Variants in LYPD6B observed in about 807,000 individuals in gnomAD.
LYPD6B encodes the protein LY6/PLAUR domain containing 6B.
A neutral mutation model predicts 22.8 loss-of-function variants in LYPD6B; 17 were observed. The ratio of observed to expected loss-of-function variants is 0.75; its 90% CI spans 0.51 to 1.12. The LOEUF (loss-of-function observed/expected upper bound fraction) is 1.12, where lower values mean the gene tolerates loss of function less well. LYPD6B is among the 50% of genes most tolerant of loss of function. LYPD6B has a pLI of 0.00. For missense variants in LYPD6B, 221 were observed against 258.3 expected, an observed-to-expected ratio of 0.86 and a Z score of 0.99; for synonymous variants, 106 against 91.6, an observed-to-expected ratio of 1.16 and a Z score of -0.90.
chr2:149,207,833 A>G (rs1693597291), intron 4 of LYPD6B, among the ~76,000 whole-genome samples: 1 of 152,114 alleles, frequency 6.6e-6, no homozygotes, highest in Non-Finnish European at 1.5e-5. Context: ...ATACCTCTGC[A>G]AGTCATGGGG....
intron 2 of LYPD6B, among the ~76,000 whole-genome samples, chr2:149,139,459 A>G (rs1380583577): frequency 2.6e-5 from 4 of 152,192 alleles, no homozygotes; most frequent in African/African-American, 9.7e-5. Flanking sequence ...TCTTGTAATA[A>G]TGTCACCAGA....
intron 3 of LYPD6B, among the ~76,000 whole-genome samples, chr2:149,175,023 A>ATCTCTCTC (rs142556922): frequency 4.8e-4 from 61 of 125,824 alleles, no homozygotes; most frequent in African/African-American, 1.3e-3. Context: ...AATCTCTTTA[A>ATCTCTCTC]TCTCTCTCTC....
At chr2:149,119,533 G>A (rs894089113) in intron 1 of LYPD6B, among the ~76,000 whole-genome samples, 2 of 152,170 alleles carry the variant, frequency 1.3e-5, no homozygotes, top group Non-Finnish European at 2.9e-5. Context: ...ACACATTAAC[G>A]ATGAACTCAG....
chr2:149,180,710 T>A (rs1238104792), intron 3 of LYPD6B, among the ~76,000 whole-genome samples: 1 of 152,216 alleles, frequency 6.6e-6, no homozygotes, highest in Non-Finnish European at 1.5e-5. Flanking sequence ...GGGAGCTGTG[T>A]CCTGATCCTT....
chr2:149,122,210 C>T (rs1380994461), intron 1 of LYPD6B, among the ~76,000 whole-genome samples: 1 of 152,044 alleles, frequency 6.6e-6, no homozygotes, highest in Non-Finnish European at 1.5e-5. Context: ...CGAAAGAGCA[C>T]TCAGCACTGC....
intron 5 of LYPD6B, among the ~76,000 whole-genome samples, chr2:149,210,289 T>G (rs1427894838): frequency 6.6e-6 from 1 of 152,116 alleles, no homozygotes; most frequent in Non-Finnish European, 1.5e-5. Context: ...AAGCTGCAGC[T>G]TTCCACCACC....
At chr2:149,120,784 C>CTTTT (rs567231544) in intron 1 of LYPD6B, among the ~76,000 whole-genome samples, 1,734 of 95,484 alleles carry the variant, frequency 0.018, 219 homozygotes, top group African/African-American at 0.025. Context: ...GCTACAAAGT[C>CTTTT]TTTTTTTTTT....
At position 149,125,767 on chromosome 2, in the gene LYPD6B, C is replaced by T. The variant is rs186638696; in HGVS notation, c.-66-5116C>T. On this transcript the variant is annotated intron_variant, in intron 1 of 6. Coordinates refer to ENST00000409642, the MANE Select transcript of LYPD6B (RefSeq NM_177964.5). ...GTAAATATTTTTTGTTTTACAGAGA[C>T]GTTTTAAAAATACTCATTTAAGATT... is the stretch of plus-strand genomic sequence containing the variant. Among the ~76,000 whole-genome samples the T allele has an allele frequency of 1.5e-4, 23 of 152,236 alleles. No homozygotes were observed. In the East Asian group the frequency reaches 3.5e-3, roughly 23 times the overall value.
intron 1 of LYPD6B, among the ~76,000 whole-genome samples, chr2:149,109,148 T>C (rs1686637820): frequency 6.6e-6 from 1 of 152,216 alleles, no homozygotes; most frequent in Non-Finnish European, 1.5e-5. Flanking sequence ...TTTCATTCCT[T>C]TATGTAGATT....
intron 2 of LYPD6B, among the ~76,000 whole-genome samples, chr2:149,159,173 T>G (rs1187145476): frequency 6.6e-6 from 1 of 152,058 alleles, no homozygotes; most frequent in Admixed American, 6.5e-5. Context: ...CTTAGAGACA[T>G]TGTTAATTAA....
chr2:149,120,737 A>G (rs1687293582), intron 1 of LYPD6B, among the ~76,000 whole-genome samples: 1 of 139,130 alleles, frequency 7.2e-6, no homozygotes, highest in Non-Finnish European at 1.5e-5. Flanking sequence ...TATGTGTTCT[A>G]TTTATCATTA....
At chr2:149,106,152 A>T (rs1296924399) in intron 1 of LYPD6B, among the ~76,000 whole-genome samples, 1 of 152,054 alleles carries the variant, frequency 6.6e-6, no homozygotes, top group Non-Finnish European at 1.5e-5. Flanking sequence ...CTATGTGTTC[A>T]TGATATATTG....
intron 3 of LYPD6B, among the ~76,000 whole-genome samples, chr2:149,183,207 G>A (rs1691858182): frequency 6.6e-6 from 1 of 152,124 alleles, no homozygotes; most frequent in Non-Finnish European, 1.5e-5. Context: ...AACTTTGTTG[G>A]AAGGGTGAAA....
At chr2:149,092,989 G>A (rs1178556345) in intron 1 of LYPD6B, among the ~76,000 whole-genome samples, 1 of 152,156 alleles carries the variant, frequency 6.6e-6, no homozygotes, top group Non-Finnish European at 1.5e-5. Context: ...GCATCAGCAG[G>A]GGAATAGGCA....
chr2:149,074,038 A>G (rs1287690254), intron 1 of LYPD6B, among the ~76,000 whole-genome samples: 2 of 152,188 alleles, frequency 1.3e-5, no homozygotes. Context: ...CTAAGGATCA[A>G]TATTAATCCA....
intron 1 of LYPD6B, among the ~76,000 whole-genome samples, chr2:149,056,416 G>A (rs1683795369): frequency 6.6e-6 from 1 of 152,200 alleles, no homozygotes; most frequent in African/African-American, 2.4e-5. Flanking sequence ...GGAAACAGGT[G>A]ACCAATGTGG....
At chr2:149,120,939 G>A (rs1333798166) in intron 1 of LYPD6B, among the ~76,000 whole-genome samples, 1 of 151,642 alleles carries the variant, frequency 6.6e-6, no homozygotes, top group Non-Finnish European at 1.5e-5. Context: ...CTACAGGTGT[G>A]CACCACCATA....
intron 1 of LYPD6B, among the ~76,000 whole-genome samples, chr2:149,068,334 G>GAC (rs1684437295): frequency 1.3e-5 from 2 of 152,132 alleles, no homozygotes; most frequent in African/African-American, 4.8e-5. Context: ...AAGTCTAGTT[G>GAC]TTCCAAGAGT....
At chr2:149,052,687 T>C (rs1159607834) in intron 1 of LYPD6B, among the ~76,000 whole-genome samples, 3 of 152,186 alleles carry the variant, frequency 2.0e-5, no homozygotes, top group African/African-American at 4.8e-5. Context: ...GCTGTCCAGA[T>C]TGAAGGGACT....
Sources: allele counts gnomAD v4.1 joint callset (sites outside exome capture counted in the v4.1 genomes callset), GRCh38; gene constraint gnomAD v4.1.1; transcripts MANE v1.5; gene names NCBI Gene and HGNC (gene_info 2026-07-23, HGNC 2026-07-21).